CACNA2D2: variants seen among roughly 807,000 people sequenced by gnomAD.
CACNA2D2 encodes calcium voltage-gated channel auxiliary subunit alpha2delta 2, also known as voltage-dependent calcium channel subunit alpha-2/delta-2.
In CACNA2D2, 48 loss-of-function variants were observed where a neutral mutation model predicts 166.4. The ratio of observed to expected loss-of-function variants is 0.29; its 90% CI spans 0.23 to 0.37. The LOEUF is 0.37. CACNA2D2 is among the 10% of genes least tolerant of loss of function. The pLI, the probability that CACNA2D2 is intolerant of heterozygous loss-of-function variation, is 1.00. For missense variants in CACNA2D2, 1,122 were observed against 1,433.0 expected, an observed-to-expected ratio of 0.78 and a Z score of 3.50; for synonymous variants, 561 against 573.7, an observed-to-expected ratio of 0.98 and a Z score of 0.32.
intron 22 of CACNA2D2, 34 bp from the exon 23 acceptor site, chr3:50,370,414 C>T: frequency 4.3e-6 from 3 of 692,364 alleles, no homozygotes; most frequent in Admixed American, 5.0e-5. Context: ...CCGGCGGGGG[C>T]TGGGGAGGCT....
At chr3:50,409,987 GC>G (rs1706918045) in intron 3 of CACNA2D2, among the ~76,000 whole-genome samples, 1 of 152,198 alleles carries the variant, frequency 6.6e-6, no homozygotes, top group African/African-American at 2.4e-5. Flanking sequence ...GCCAGAGGAG[GC>G]AGGAGGGGTC....
chr3:50,414,740 A>C (rs1457654510), intron 3 of CACNA2D2, among the ~76,000 whole-genome samples: 4 of 152,246 alleles, frequency 2.6e-5, no homozygotes, highest in Non-Finnish European at 4.4e-5. Context: ...CATCTGTCAG[A>C]AGAGCGAGCT....
intron 3 of CACNA2D2, among the ~76,000 whole-genome samples, chr3:50,425,592 C>T (rs866159826): frequency 6.6e-6 from 1 of 152,198 alleles, no homozygotes; most frequent in South Asian, 2.1e-4. Context: ...AAGGGCCAGA[C>T]ACTATTAAAA....
At chr3:50,470,810 G>GAAAAAA (rs1171627223) in intron 2 of CACNA2D2, among the ~76,000 whole-genome samples, 11 of 152,000 alleles carry the variant, frequency 7.2e-5, no homozygotes, top group Non-Finnish European at 1.6e-4. Context: ...TCTAGGCAGG[G>GAAAAAA]CTTTGGTCAG....
chr3:50,417,323 T>A (rs1237587771), intron 3 of CACNA2D2, among the ~76,000 whole-genome samples: 2 of 152,168 alleles, frequency 1.3e-5, no homozygotes, highest in African/African-American at 2.4e-5. Flanking sequence ...ACAGGGCACA[T>A]CCCAACCACA....
chr3:50,365,391 G>C lies in CACNA2D2; in HGVS notation c.3063C>G (p.Ser1021=). The C allele has an allele frequency of 6.2e-7, 1 of 1,613,568 alleles. No individual in the cohort carries two copies. The highest frequency in any genetic ancestry group is 1.3e-5 in the African/African-American group (1 of 75,034). ...TQYYFGSVNA[S]YNAIIDCGNC... ...TTCCGCAGTCGATGATGGCGTTGTA[G>C]GAGGCGTTTACCGAGCCGAAGTAGT... Residue 1021 remains serine, a synonymous_variant, in exon 35 of 38, where the codon TCC becomes TCG. Transcript: ENST00000424201. The surrounding 1 kb of genome is among the most constrained non-coding windows in gnomAD (Gnocchi z 4.5).
rs777298527 is a variant in CACNA2D2, at chr3:50,379,704, G to A, written c.993+21C>T. 1.6e-5 allele frequency: 25 copies of A among 1,612,236 alleles called. No individual in the cohort carries two copies. Among genetic ancestry groups the A allele is most frequent in the South Asian group, 5.5e-5 (5 of 91,052 alleles). ...CAGATGGGGTGACCCATTTCACCCCGTCTGCCACCTTGGCACTCACCGAGG... is the reference window on the plus strand; with the variant it reads ...CAGATGGGGTGACCCATTTCACCCCATCTGCCACCTTGGCACTCACCGAGG... On this transcript the variant is annotated intron_variant, in intron 10 of 37. Coordinates refer to ENST00000424201, the MANE Select transcript of CACNA2D2 (RefSeq NM_006030.4). The surrounding 1 kb of genome is among the most constrained non-coding windows in gnomAD (Gnocchi z 6.5).
At chr3:50,410,630 A>C (rs1706964237) in intron 3 of CACNA2D2, among the ~76,000 whole-genome samples, 1 of 151,798 alleles carries the variant, frequency 6.6e-6, no homozygotes, top group Non-Finnish European at 1.5e-5. Context: ...TCTTTTCAGC[A>C]CTCCAGAGTC....
chr3:50,502,051 C>T (rs1268378230), intron 1 of CACNA2D2, among the ~76,000 whole-genome samples: 2 of 152,194 alleles, frequency 1.3e-5, no homozygotes, highest in Admixed American at 6.5e-5. Flanking sequence ...TTGTTTTTCC[C>T]TCATCTTAGA....
At chr3:50,487,107 G>A (rs1698319708) in intron 1 of CACNA2D2, among the ~76,000 whole-genome samples, 1 of 151,998 alleles carries the variant, frequency 6.6e-6, no homozygotes, top group East Asian at 1.9e-4. Context: ...CAACTTGCCC[G>A]AGACCACACT....
chr3:50,459,526 C>T (rs1458927761), intron 2 of CACNA2D2, among the ~76,000 whole-genome samples: 2 of 152,200 alleles, frequency 1.3e-5, no homozygotes, highest in Non-Finnish European at 2.9e-5. Context: ...GCCCTTGGCA[C>T]TACAGGGTGT....
intron 5 of CACNA2D2, among the ~76,000 whole-genome samples, 175 bp downstream of exon 5, chr3:50,387,393 A>G (rs952415964): frequency 6.6e-6 from 1 of 152,192 alleles, no homozygotes. Flanking sequence ...ACAGAGATGC[A>G]GCCCTGGAGG....
chr3:50,471,144 G>A (rs542269414), intron 2 of CACNA2D2, among the ~76,000 whole-genome samples: 94 of 152,256 alleles, frequency 6.2e-4, no homozygotes, highest in African/African-American at 2.2e-3. Flanking sequence ...CTCAACAGGA[G>A]GTGGCTGGGT....
chr3:50,372,369 A>AC (rs1168936205), intron 22 of CACNA2D2, among the ~76,000 whole-genome samples: 2 of 151,936 alleles, frequency 1.3e-5, no homozygotes, highest in African/African-American at 4.8e-5. Flanking sequence ...CTGCCAAGCC[A>AC]CCCCGGGGCT....
chr3:50,448,751 T>C (rs1187103359), intron 2 of CACNA2D2, among the ~76,000 whole-genome samples: 1 of 152,080 alleles, frequency 6.6e-6, no homozygotes, highest in Non-Finnish European at 1.5e-5. Context: ...GTCCCTGCCC[T>C]TCTGCCCACC....
At chr3:50,445,777 T>C (rs1157923611) in intron 2 of CACNA2D2, among the ~76,000 whole-genome samples, 1 of 152,172 alleles carries the variant, frequency 6.6e-6, no homozygotes, top group African/African-American at 2.4e-5. Context: ...AGCTCCCATT[T>C]TGGACCTGAA....
chr3:50,472,994 A>G (rs1456340837), intron 2 of CACNA2D2, among the ~76,000 whole-genome samples: 3 of 152,124 alleles, frequency 2.0e-5, no homozygotes, highest in Non-Finnish European at 4.4e-5. Context: ...TGGCCTATTG[A>G]GGGCAAGAGT....
At chr3:50,453,549 G>A (rs1006428776) in intron 2 of CACNA2D2, among the ~76,000 whole-genome samples, 6 of 152,096 alleles carry the variant, frequency 3.9e-5, no homozygotes, top group African/African-American at 1.4e-4. Context: ...CCCTTTCAAG[G>A]AGGTGTGATT....
intron 6 of CACNA2D2, 105 bp from the exon 7 acceptor site, chr3:50,381,231 G>A: frequency 7.3e-7 from 1 of 1,362,290 alleles, no homozygotes; most frequent in Non-Finnish European, 1.0e-6. Context: ...TCCCCCAACT[G>A]TTCTCGGCCT....
Sources: gnomAD v4.1 joint callset for allele counts (sites outside exome capture counted in the v4.1 genomes callset) on GRCh38, gnomAD v4.1.1 for gene constraint, Gnocchi (gnomAD v3.1) non-coding constraint, MANE v1.5 for transcripts, NCBI Gene and HGNC (gene_info 2026-07-23, HGNC 2026-07-21) for gene names.